LIPE: variants seen among roughly 807,000 people sequenced by gnomAD.
LIPE encodes the protein lipase E, hormone sensitive type, also known as hormone-sensitive lipase.
LIPE carries 66 observed loss-of-function variants against 88.5 expected under a neutral mutation model. That is an observed-to-expected ratio of 0.75 (90% CI 0.61 to 0.91). LIPE has a LOEUF of 0.91. Ranked by LOEUF, LIPE falls within the 40% of genes least tolerant of loss-of-function variation. The pLI, the probability that LIPE is intolerant of heterozygous loss-of-function variation, is 0.00. For missense variants in LIPE, 1,346 were observed against 1,434.7 expected, an observed-to-expected ratio of 0.94 and a Z score of 1.00; for synonymous variants, 570 against 617.5, an observed-to-expected ratio of 0.92 and a Z score of 1.14.
intron 7 of LIPE, 22 bp from the exon 8 acceptor site, chr19:42,405,583 C>A: frequency 6.3e-7 from 1 of 1,596,388 alleles, no homozygotes; most frequent in South Asian, 1.1e-5. Flanking sequence ...ATGTGGGTAG[C>A]TGAGTTGTTT....
At chr19:42,423,825 T>A in intron 1 of LIPE, 1 of 1,116,620 alleles carries the variant, frequency 9.0e-7, no homozygotes, top group Non-Finnish European at 1.1e-6. Flanking sequence ...GCAGGACTAG[T>A]GCGGAGCCCC....
chr19:42,403,617 T>G (rs2040071793), intron 8 of LIPE, among the ~76,000 whole-genome samples: 4 of 151,734 alleles, frequency 2.6e-5, no homozygotes, highest in Admixed American at 2.0e-4. Context: ...CCGGCTAATT[T>G]TTGTGTTTTT....
intron 1 of LIPE, chr19:42,411,492 C>T (rs2040373988): frequency 5.7e-6 from 1 of 176,410 alleles, no homozygotes; most frequent in Non-Finnish European, 1.1e-5. Flanking sequence ...CCCTTCCCCT[C>T]CAACAACATT....
intron 1 of LIPE, among the ~76,000 whole-genome samples, chr19:42,425,916 C>T (rs1426394345): frequency 6.6e-6 from 1 of 152,104 alleles, no homozygotes; most frequent in African/African-American, 2.4e-5. Context: ...GTTTCTCTGC[C>T]TCAGCCTCCC....
chr19:42,404,861 C>T lies in LIPE; in HGVS notation c.2542+524G>A, dbSNP rs188979753. 1.6e-3 allele frequency among the ~76,000 whole-genome samples: 251 copies of T among 152,214 alleles called. 4 individuals carry two copies. The highest frequency in any genetic ancestry group is 6.0e-3 in the African/African-American group (248 of 41,540). ...GCAGACCTCACCACAGCCCAGTAAG[C>T]GTACTCTTTTTTTAAATTTTTTTTT... On this transcript the variant is annotated intron_variant, in intron 8 of 9. Coordinates refer to ENST00000244289, the MANE Select transcript of LIPE (RefSeq NM_005357.4).
At position 42,414,002 on chromosome 19, in the gene LIPE, G is replaced by C. The variant is rs923207559; in HGVS notation, c.884-3160C>G. 6.6e-6 allele frequency among the ~76,000 whole-genome samples: 1 copy of C among 152,196 alleles called. No homozygotes were observed. The highest frequency in any genetic ancestry group is 1.5e-5 in the Non-Finnish European group (1 of 68,028). ...TGTGAAAATGGGACGATGTGGGCTA[G>C]GCACAGTGGCTCATGCCTATAATGC... On this transcript the variant is annotated intron_variant, in intron 1 of 9. Transcript: ENST00000244289. This position sits in a 1 kb window ranked among gnomAD's most constrained non-coding sequence, Gnocchi z 4.6.
Position 42,410,980 on chromosome 19 carries a change from AC to A in LIPE, c.884-139del. 1.2e-6 allele frequency: 1 copy of A among 859,150 alleles called. No homozygotes were observed. The highest frequency in any genetic ancestry group is 1.7e-6 in the Non-Finnish European group (1 of 574,104). The allele number at this position is 859,150 out of a possible 1,614,324, so 53.2% of individuals were successfully genotyped here. A position where few individuals can be genotyped will look rare whatever the true frequency, so the allele number is the denominator to read the frequency against. On this transcript the variant is annotated intron_variant, in intron 1 of 9. Transcript: ENST00000244289. This position sits in a 1 kb window ranked among gnomAD's most constrained non-coding sequence, Gnocchi z 6.1. ...CTTCTTTCAGTTCCAGGGGCCCAGGACCCCAGGTTCCTCCTCCCTTAGACAT... is the reference window on the plus strand; with the variant it reads ...CTTCTTTCAGTTCCAGGGGCCCAGGACCCAGGTTCCTCCTCCCTTAGACAT...
chr19:42,409,551 C>T (rs984563462), intron 2 of LIPE, among the ~76,000 whole-genome samples: 1 of 152,166 alleles, frequency 6.6e-6, no homozygotes, highest in Admixed American at 6.5e-5. Flanking sequence ...GGAGCAGTGA[C>T]CAAGACAGGG....
intron 8 of LIPE, among the ~76,000 whole-genome samples, chr19:42,404,788 A>G (rs143116014): frequency 7.2e-5 from 11 of 152,364 alleles, no homozygotes; most frequent in African/African-American, 2.6e-4. Flanking sequence ...GGCATCTTCT[A>G]ATAGCACCTA....
chr19:42,411,458 T>C (rs35213872), intron 1 of LIPE: 5,611 of 348,618 alleles, frequency 0.016, 283 homozygotes, highest in African/African-American at 0.11. Context: ...CTTTCCTTCT[T>C]AGGCCCCAAG....
At chr19:42,425,522 G>C (rs34656071) in intron 1 of LIPE, among the ~76,000 whole-genome samples, 147 of 152,186 alleles carry the variant, frequency 9.7e-4, no homozygotes, top group African/African-American at 3.3e-3. Context: ...CTAAAATGAG[G>C]ATGTTGGCCA....
chr19:42,427,066 C>T lies in LIPE; in HGVS notation c.84G>A (p.Gly28=), dbSNP rs1211455200. The change falls in exon 1 of 10, where the codon GGG becomes GGA. Residue 28 remains glycine (G), a synonymous_variant. Coordinates refer to ENST00000244289, the MANE Select transcript of LIPE (RefSeq NM_005357.4). The part of the protein sequence containing the change: ...HQRPITPLEP[G]PEKTPIAQPE... ...GCTGGGCTATGGGTGTCTTTTCTGG[C>T]CCAGGCTCTAGCGGGGTTATAGGCC... The T allele has an allele frequency of 1.1e-5, 17 of 1,614,032 alleles. No individual in the cohort carries two copies. The highest frequency in any genetic ancestry group is 1.3e-5 in the African/African-American group (1 of 74,898).
chr19:42,412,184 T>A (rs1203570745), intron 1 of LIPE: 1 of 724,218 alleles, frequency 1.4e-6, no homozygotes, highest in Non-Finnish European at 1.7e-6. Context: ...GTTTCTTGGA[T>A]GCCCTGTCAC....
At chr19:42,423,268 A>C in intron 1 of LIPE, 1 of 458,374 alleles carries the variant, frequency 2.2e-6, no homozygotes. Flanking sequence ...CCTTCTCACA[A>C]TGGATCATCC....
intron 8 of LIPE, among the ~76,000 whole-genome samples, chr19:42,403,452 GTTT>G (rs59961297): frequency 7.1e-6 from 1 of 141,780 alleles, no homozygotes; most frequent in Non-Finnish European, 1.6e-5. Context: ...ATCGTTTTTT[GTTT>G]TTTTTTTTTT....
intron 1 of LIPE, among the ~76,000 whole-genome samples, chr19:42,417,442 GT>G (rs1362325081): frequency 6.6e-6 from 1 of 151,636 alleles, no homozygotes; most frequent in Non-Finnish European, 1.5e-5. Flanking sequence ...TTTTTTCCAG[GT>G]TTTTAGAGAC....
intron 1 of LIPE, among the ~76,000 whole-genome samples, chr19:42,417,426 ATT>A (rs568678648): frequency 6.9e-6 from 1 of 144,534 alleles, no homozygotes; most frequent in Non-Finnish European, 1.5e-5. Context: ...TGCCTGGTTC[ATT>A]TTTTTTTTTC....
rs80193720 is a variant in LIPE at position 42,427,269 on chromosome 19, T to A, written c.-120A>T. 6,870 of 1,439,834 alleles carry A rather than the reference T, an allele frequency of 4.8e-3. 23 individuals are homozygous for A. Among genetic ancestry groups the A allele is most frequent in the Non-Finnish European group, 5.7e-3 (6,268 of 1,101,890 alleles). 89.2% of individuals were successfully genotyped at this position (1,439,834 alleles called of 1,614,324 possible). On this transcript the variant is annotated 5_prime_UTR_variant, in exon 1 of 10. An upstream open reading frame in the 5' UTR loses its in-frame stop. Coordinates refer to ENST00000244289, the MANE Select transcript of LIPE (RefSeq NM_005357.4). The stretch of plus-strand genomic sequence containing the variant: ...TCATGATGGCACTTCCTCTTGGGTT[T>A]CACTCCATCCTAGCATCACTGGTCT...
intron 1 of LIPE, among the ~76,000 whole-genome samples, chr19:42,415,823 A>G (rs979160729): frequency 2.6e-5 from 4 of 151,960 alleles, no homozygotes; most frequent in Non-Finnish European, 4.4e-5. Context: ...AAAAAAAAAA[A>G]AAGTGAACTA....
Sources: allele counts gnomAD v4.1 joint callset (sites outside exome capture counted in the v4.1 genomes callset), GRCh38; gene constraint gnomAD v4.1.1; non-coding constraint Gnocchi (gnomAD v3.1); transcripts MANE v1.5; gene names NCBI Gene and HGNC (gene_info 2026-07-23, HGNC 2026-07-21).